The following ZC3H18 variants were observed in gnomAD, a reference collection of about 807,000 sequenced individuals.
The protein encoded by ZC3H18 is zinc finger CCCH-type containing 18, also known as zinc finger CCCH domain-containing protein 18.
Under a neutral mutation model 106.1 loss-of-function variants are expected in ZC3H18, and 8 were observed. The ratio of observed to expected loss-of-function variants is 0.08; its 90% CI spans 0.04 to 0.14. The LOEUF is 0.14. Among genes scored for constraint, ZC3H18 ranks in the 10% least tolerant of loss-of-function variants. The probability of loss-of-function intolerance (pLI) is 1.00; values close to 1 mark genes in which losing one functional copy is unlikely to be tolerated. For synonymous variants in ZC3H18, 635 were observed against 522.1 expected, an observed-to-expected ratio of 1.22 and a Z score of -2.95; for missense variants, 1,318 against 1,278.4, an observed-to-expected ratio of 1.03 and a Z score of -0.47.
At chr16:88,618,223 G>A (rs534074467) in intron 8 of ZC3H18, among the ~76,000 whole-genome samples, 22 of 151,818 alleles carry the variant, frequency 1.4e-4, no homozygotes, top group African/African-American at 5.1e-4. Context: ...GACATGGGGC[G>A]GGCACTCCAG....
chr16:88,611,979 G>A (rs779996202), intron 8 of ZC3H18, among the ~76,000 whole-genome samples: 13 of 152,202 alleles, frequency 8.5e-5, no homozygotes, highest in Admixed American at 5.2e-4. Context: ...GGGCATCCGT[G>A]TTGCTGGCCA....
At chr16:88,595,029 T>C (rs2142648757) in intron 3 of ZC3H18, among the ~76,000 whole-genome samples, 1 of 152,276 alleles carries the variant, frequency 6.6e-6, no homozygotes, top group Non-Finnish European at 1.5e-5. Flanking sequence ...TGCATGCCTG[T>C]AATTCCAGCT....
chr16:88,629,843 A>G (rs1906548240), intron 16 of ZC3H18, among the ~76,000 whole-genome samples: 1 of 152,200 alleles, frequency 6.6e-6, no homozygotes. Context: ...ACACTCCCAG[A>G]CACAGAGAAC....
chr16:88,598,337 C>T lies in ZC3H18; in HGVS notation c.837+11C>T. 1 of 1,588,850 alleles carries T rather than the reference C, an allele frequency of 6.3e-7. No homozygotes were observed. ...CCCGCCAACCCTTGGGTGCGTGATGCCTCTTCTTTCATTGTTAGCACATCA... is the reference window on the plus strand; with the variant it reads ...CCCGCCAACCCTTGGGTGCGTGATGTCTCTTCTTTCATTGTTAGCACATCA... On this transcript the variant is annotated intron_variant, in intron 4 of 17. Coordinates refer to ENST00000301011, the MANE Select transcript of ZC3H18 (RefSeq NM_144604.4).
Position 88,623,974 on chromosome 16 carries a change from TCGTCCCCGTCCC to T in ZC3H18, c.1818_1829del (p.Ser607_Pro610del), listed in dbSNP as rs762853557. 1 of 1,612,426 alleles carries T rather than the reference TCGTCCCCGTCCC, an allele frequency of 6.2e-7. No homozygotes were observed. The highest frequency in any genetic ancestry group is 8.5e-7 in the Non-Finnish European group (1 of 1,178,938). On this transcript the variant is annotated inframe_deletion, in exon 11 of 18. Transcript: ENST00000301011. ...CTCCCCTAGGTCCCGGTCCTTCTCTTCGTCCCCGTCCCCGTCCCCAACACCTTCCCCACATAG... is the reference window on the plus strand; with the variant it reads ...CTCCCCTAGGTCCCGGTCCTTCTCTTCGTCCCCAACACCTTCCCCACATAG...
intron 2 of ZC3H18, among the ~76,000 whole-genome samples, chr16:88,580,242 A>T (rs1054931862): frequency 6.8e-6 from 1 of 147,808 alleles, no homozygotes; most frequent in Admixed American, 6.8e-5. Flanking sequence ...TGCTTCCCCT[A>T]TTCCCAAGAA....
chr16:88,595,151 C>CA (rs1904362084), intron 3 of ZC3H18, among the ~76,000 whole-genome samples: 1 of 152,000 alleles, frequency 6.6e-6, no homozygotes, highest in Non-Finnish European at 1.5e-5. Context: ...AACTCCATCT[C>CA]AAAAAAACAA....
chr16:88,624,115 C>A (rs890341069), intron 11 of ZC3H18, 53 bp downstream of exon 11: 8 of 1,596,934 alleles, frequency 5.0e-6, no homozygotes, highest in Non-Finnish European at 3.4e-6. Context: ...CCACAGGCTG[C>A]AGCCTCCTCC....
At chr16:88,573,322 A>G (rs1008924500) in intron 1 of ZC3H18, among the ~76,000 whole-genome samples, 5 of 152,018 alleles carry the variant, frequency 3.3e-5, no homozygotes, top group African/African-American at 1.2e-4. Context: ...CGAAGATAGT[A>G]TAGGGTGTTA....
chr16:88,616,114 G>A (rs1044520168), intron 8 of ZC3H18, among the ~76,000 whole-genome samples: 2 of 152,190 alleles, frequency 1.3e-5, no homozygotes, highest in Non-Finnish European at 2.9e-5. Flanking sequence ...GGTTGCCATC[G>A]CCAGCCCCTG....
intron 16 of ZC3H18, 85 bp from the exon 17 acceptor site, chr16:88,630,400 G>A (rs1452749118): frequency 3.8e-6 from 4 of 1,042,750 alleles, no homozygotes; most frequent in South Asian, 1.4e-5. Context: ...GGCTTTAGAA[G>A]TGAGTCCCTG....
Position 88,574,271 on chromosome 16 carries a change from G to A in ZC3H18, c.-14-2839G>A, listed in dbSNP as rs1161408080. Among the ~76,000 whole-genome samples, 3 of 151,886 alleles carry A rather than the reference G, an allele frequency of 2.0e-5. 1 individual carries two copies. The highest frequency in any genetic ancestry group is 7.2e-5 in the African/African-American group (3 of 41,384). The stretch of plus-strand genomic sequence containing the variant: ...ACCACCTAGGCTGGAGTGCAGTGGT[G>A]TGATCTCGGCTCACTGCAACCACTG... On this transcript the variant is annotated intron_variant, in intron 1 of 17. Transcript: ENST00000301011.
chr16:88,626,891 G>A (rs562982713), intron 13 of ZC3H18, among the ~76,000 whole-genome samples: 1 of 152,278 alleles, frequency 6.6e-6, no homozygotes, highest in East Asian at 1.9e-4. Context: ...TCTGTCTGCC[G>A]TGTGTTCCTC....
Position 88,631,837 on chromosome 16 carries a change from T to G in ZC3H18, c.*538T>G. 6.8e-6 allele frequency: 2 copies of G among 292,790 alleles called. No individual in the cohort carries two copies. The highest frequency in any genetic ancestry group is 5.4e-5 in the South Asian group (2 of 37,104). The allele number at this position is 292,790 out of a possible 1,614,324, so 18.1% of individuals were successfully genotyped here. ...CTTTTATTTTAAGCATCAAATTGTT[T>G]TAGTTGATTTAAAAAGGAAAAAATA... On this transcript the variant is annotated 3_prime_UTR_variant, in exon 18 of 18. Transcript: ENST00000301011.
At chr16:88,606,036 G>A (rs563795357) in intron 6 of ZC3H18, among the ~76,000 whole-genome samples, 2 of 152,364 alleles carry the variant, frequency 1.3e-5, no homozygotes, top group South Asian at 2.1e-4. Flanking sequence ...CTGGTTAAGT[G>A]GTGACTGCAG....
intron 8 of ZC3H18, among the ~76,000 whole-genome samples, chr16:88,615,958 G>A (rs1289662703): frequency 6.6e-6 from 1 of 152,220 alleles, no homozygotes; most frequent in African/African-American, 2.4e-5. Context: ...GCTGTGGCCC[G>A]CACTTTAGTG....
chr16:88,573,223 C>T (rs191122863), intron 1 of ZC3H18, among the ~76,000 whole-genome samples: 26 of 152,172 alleles, frequency 1.7e-4, no homozygotes, highest in Non-Finnish European at 3.7e-4. Flanking sequence ...TCCTACTGGG[C>T]ACCAGGCGCT....
intron 8 of ZC3H18, among the ~76,000 whole-genome samples, chr16:88,612,502 TAAAAAAAA>T (rs759451397): frequency 1.5e-5 from 2 of 132,922 alleles, no homozygotes; most frequent in African/African-American, 5.6e-5. Flanking sequence ...CATCTCTATT[TAAAAAAAA>T]AAAAAAAAAA....
In ZC3H18 at chr16:88,631,106, G is replaced by A. The variant is rs754196311; in HGVS notation, c.2669G>A (p.Arg890His). 15 of 1,611,782 alleles carry A rather than the reference G, an allele frequency of 9.3e-6. No individual in the cohort carries two copies. The Middle Eastern group carries it at 6.2e-4, about 67-fold the overall frequency. The change falls in exon 18 of 18, where the codon CGC becomes CAC. Residue 890 changes from arginine to histidine, a missense_variant. By Grantham distance (29) the Arg-to-His change is conservative (BLOSUM62 0). Coordinates refer to ENST00000301011, the MANE Select transcript of ZC3H18 (RefSeq NM_144604.4). ...KAPAAPADRK[R>H]QLSPQSKSSS... ...TCTTCCCCACCCCCTTGTAGGAAGC[G>A]CCAGCTGTCACCCCAGTCCAAGAGC...
Sources: allele counts gnomAD v4.1 joint callset (sites outside exome capture counted in the v4.1 genomes callset), GRCh38; gene constraint gnomAD v4.1.1; transcripts MANE v1.5; gene names NCBI Gene and HGNC (gene_info 2026-07-23, HGNC 2026-07-21).